Variants in PPARGC1A observed in about 807,000 individuals in gnomAD.
The protein encoded by PPARGC1A is PPARG coactivator 1 alpha, also known as peroxisome proliferator-activated receptor gamma coactivator 1-alpha.
A neutral mutation model predicts 88.7 loss-of-function variants in PPARGC1A; 25 were observed. The ratio of observed to expected loss-of-function variants is 0.28; its 90% confidence interval spans 0.21 to 0.39. The LOEUF (loss-of-function observed/expected upper bound fraction) is 0.39, where lower values mean the gene tolerates loss of function less well. Ranked by LOEUF, PPARGC1A falls within the 10% of genes least tolerant of loss-of-function variation. The pLI, the probability that PPARGC1A is intolerant of heterozygous loss-of-function variation, is 1.00. For synonymous variants in PPARGC1A, 363 were observed against 355.6 expected, an observed-to-expected ratio of 1.02 and a Z score of -0.24; for missense variants, 880 against 968.7, an observed-to-expected ratio of 0.91 and a Z score of 1.22.
the PPARGC1A span, among the ~76,000 whole-genome samples, chr4:24,132,186 G>C: frequency 2.0e-5 from 3 of 151,932 alleles, no homozygotes; most frequent in Non-Finnish European, 2.9e-5. Flanking sequence ...TGAAACCTTA[G>C]ATGTTACACT....
chr4:24,437,808 T>G, the PPARGC1A span, among the ~76,000 whole-genome samples: 2 of 151,380 alleles, frequency 1.3e-5, no homozygotes, highest in Non-Finnish European at 2.9e-5. Flanking sequence ...TCCAGCTAAT[T>G]CTTTGTTTCT....
the PPARGC1A span, among the ~76,000 whole-genome samples, chr4:24,430,918 G>T: frequency 6.6e-6 from 1 of 151,970 alleles, no homozygotes; most frequent in African/African-American, 2.4e-5. Flanking sequence ...AGGAGTTCAA[G>T]ACCAGCCTGA....
At chr4:23,911,864 G>C in the PPARGC1A span, among the ~76,000 whole-genome samples, 3 of 152,112 alleles carry the variant, frequency 2.0e-5, no homozygotes, top group African/African-American at 7.2e-5. Flanking sequence ...TGGGCACACT[G>C]TTGTGCAGCA....
At chr4:24,186,886 T>C in the PPARGC1A span, among the ~76,000 whole-genome samples, 2 of 152,218 alleles carry the variant, frequency 1.3e-5, no homozygotes, top group African/African-American at 4.8e-5. Context: ...CTGGAACCAC[T>C]GAGGCTGCTT....
At chr4:24,211,314 C>T in the PPARGC1A span, among the ~76,000 whole-genome samples, 10 of 152,200 alleles carry the variant, frequency 6.6e-5, no homozygotes, top group African/African-American at 2.2e-4. Context: ...ACTCGTTTTC[C>T]GATCTCAATT....
the PPARGC1A span, among the ~76,000 whole-genome samples, chr4:24,051,214 C>CAAAAAAAAAAAAAAAAAAAAAAAAAAA: frequency 8.4e-6 from 1 of 118,996 alleles, no homozygotes. Context: ...AAAAAAAAAC[C>CAAAAAAAAAAAAAAAAAAAAAAAAAAA]AAACCTAAAC....
chr4:24,306,763 C>T, the PPARGC1A span, among the ~76,000 whole-genome samples: 1 of 152,188 alleles, frequency 6.6e-6, no homozygotes, highest in East Asian at 1.9e-4. Flanking sequence ...CAGGTCATAG[C>T]TTGCTCACCC....
chr4:24,430,946 T>C, the PPARGC1A span, among the ~76,000 whole-genome samples: 2 of 151,618 alleles, frequency 1.3e-5, no homozygotes, highest in Non-Finnish European at 2.9e-5. Context: ...GGTGAAACCC[T>C]TTCTCTACTA....
chr4:24,337,453 C>T, the PPARGC1A span, among the ~76,000 whole-genome samples: 1 of 152,138 alleles, frequency 6.6e-6, no homozygotes, highest in Non-Finnish European at 1.5e-5. Flanking sequence ...GTGGGACAGA[C>T]AGACATGAAA....
the PPARGC1A span, among the ~76,000 whole-genome samples, chr4:23,976,828 G>A: frequency 1.6e-4 from 24 of 152,184 alleles, no homozygotes; most frequent in Non-Finnish European, 3.4e-4. Flanking sequence ...CCAGAACTGT[G>A]AGAAAATAAA....
chr4:24,338,411 G>A, the PPARGC1A span, among the ~76,000 whole-genome samples: 10 of 152,064 alleles, frequency 6.6e-5, no homozygotes, highest in African/African-American at 2.4e-4. Context: ...GAATGAAAAA[G>A]AACACAACAT....
chr4:24,026,504 T>G, the PPARGC1A span, among the ~76,000 whole-genome samples: 11 of 152,276 alleles, frequency 7.2e-5, no homozygotes, highest in African/African-American at 2.4e-4. Context: ...TCCTTTTGTA[T>G]TTAAGTGAAA....
the PPARGC1A span, among the ~76,000 whole-genome samples, chr4:23,985,994 G>T: frequency 2.6e-5 from 4 of 151,784 alleles, no homozygotes; most frequent in African/African-American, 9.7e-5. Flanking sequence ...CATCTCTTTA[G>T]ACCTCAGTTT....
chr4:24,243,929 G>A, the PPARGC1A span, among the ~76,000 whole-genome samples: 1 of 152,190 alleles, frequency 6.6e-6, no homozygotes, highest in African/African-American at 2.4e-5. Context: ...TTCTCCTAAA[G>A]CAAAAGACAC....
the PPARGC1A span, among the ~76,000 whole-genome samples, chr4:24,143,288 T>C: frequency 0.3 from 45,062 of 151,900 alleles, 7,284 homozygotes; most frequent in African/African-American, 0.41. Flanking sequence ...ACAGCCTCTC[T>C]CTCCTAACCT....
At chr4:24,200,897 T>C in the PPARGC1A span, among the ~76,000 whole-genome samples, 5 of 152,194 alleles carry the variant, frequency 3.3e-5, no homozygotes, top group East Asian at 9.6e-4. Context: ...CTGTTTTCTA[T>C]GTTTCTTATT....
chr4:24,275,426 T>A, the PPARGC1A span, among the ~76,000 whole-genome samples: 1 of 152,200 alleles, frequency 6.6e-6, no homozygotes, highest in Admixed American at 6.5e-5. Flanking sequence ...GAATTTAATA[T>A]CCTATTTATT....
At chr4:24,399,932 C>T in the PPARGC1A span, among the ~76,000 whole-genome samples, 1 of 151,922 alleles carries the variant, frequency 6.6e-6, no homozygotes, top group Non-Finnish European at 1.5e-5. Context: ...ATTACAGGCA[C>T]ACACCACCAC....
At chr4:24,255,049 C>A in the PPARGC1A span, among the ~76,000 whole-genome samples, 1 of 152,212 alleles carries the variant, frequency 6.6e-6, no homozygotes, top group Non-Finnish European at 1.5e-5. Flanking sequence ...GGGAAAATGT[C>A]TGCAAATTCA....
Sources: allele counts gnomAD v4.1 joint callset (sites outside exome capture counted in the v4.1 genomes callset), GRCh38; gene constraint gnomAD v4.1.1; transcripts MANE v1.5; gene names NCBI Gene and HGNC (gene_info 2026-07-23, HGNC 2026-07-21).